PTPRD: variants seen among roughly 807,000 people sequenced by gnomAD.
The protein encoded by PTPRD is receptor-type tyrosine-protein phosphatase delta.
A neutral mutation model predicts 214.5 loss-of-function variants in PTPRD; 34 were observed. The observed-to-expected ratio is 0.16, with a 90% CI of 0.12 to 0.21. The LOEUF is 0.21. PTPRD is among the 10% of genes least tolerant of loss of function. PTPRD has a pLI of 1.00. For synonymous variants in PTPRD, 1,128 were observed against 845.7 expected (o/e 1.33, Z -5.79); for missense variants, 2,545 against 2,398.7 (o/e 1.06, Z -1.27).
At chr9:10,280,008 T>A (rs2154392873) in intron 3 of PTPRD, among the ~76,000 whole-genome samples, 1 of 152,324 alleles carries the variant, frequency 6.6e-6, no homozygotes, top group Admixed American at 6.5e-5. Context: ...CTTATGATGC[T>A]ATGGTAATAC....
At chr9:9,730,889 G>C (rs757032077) in intron 7 of PTPRD, among the ~76,000 whole-genome samples, 1 of 152,022 alleles carries the variant, frequency 6.6e-6, no homozygotes, top group Non-Finnish European at 1.5e-5. Flanking sequence ...GTGAAAGCTT[G>C]AAAATTCAAA....
At chr9:10,466,225 C>G (rs1455574833) in intron 2 of PTPRD, among the ~76,000 whole-genome samples, 1 of 152,062 alleles carries the variant, frequency 6.6e-6, no homozygotes, top group Non-Finnish European at 1.5e-5. Context: ...GCTCAGGAAG[C>G]CTAATATCTA....
intron 3 of PTPRD, among the ~76,000 whole-genome samples, chr9:10,275,900 C>T (rs2094657400): frequency 6.6e-6 from 1 of 152,132 alleles, no homozygotes; most frequent in African/African-American, 2.4e-5. Context: ...CAATATGGCA[C>T]AAGGGGTTTG....
At chr9:8,826,437 T>G (rs1352992862) in intron 11 of PTPRD, among the ~76,000 whole-genome samples, 1 of 152,162 alleles carries the variant, frequency 6.6e-6, no homozygotes, top group Non-Finnish European at 1.5e-5. Context: ...TTCTCCAATC[T>G]TAATCACTTT....
chr9:10,316,554 T>C (rs2096438166), intron 3 of PTPRD, among the ~76,000 whole-genome samples: 1 of 151,972 alleles, frequency 6.6e-6, no homozygotes, highest in Admixed American at 6.6e-5. Context: ...CATTTTTGAA[T>C]TGTGAATGAT....
intron 8 of PTPRD, among the ~76,000 whole-genome samples, chr9:9,496,385 A>T (rs1245621310): frequency 2.6e-5 from 4 of 152,146 alleles, no homozygotes; most frequent in Non-Finnish European, 5.9e-5. Context: ...ACTCAACAAC[A>T]AAACCCAAGT....
intron 12 of PTPRD, among the ~76,000 whole-genome samples, chr9:8,639,733 T>C (rs2096532219): frequency 6.6e-6 from 1 of 152,168 alleles, no homozygotes; most frequent in South Asian, 2.1e-4. Flanking sequence ...CCTGTTGCCA[T>C]GTAAGGACCT....
intron 8 of PTPRD, among the ~76,000 whole-genome samples, chr9:9,398,298 C>T (rs2068703310): frequency 6.6e-6 from 1 of 151,926 alleles, no homozygotes; most frequent in South Asian, 2.1e-4. Flanking sequence ...ATGTTTATTA[C>T]AGTATTTATC....
chr9:8,738,113 C>T (rs145704174), intron 11 of PTPRD, among the ~76,000 whole-genome samples: 1 of 152,136 alleles, frequency 6.6e-6, no homozygotes. Context: ...AATTGTATAT[C>T]AGCTTCTGTA....
intron 11 of PTPRD, among the ~76,000 whole-genome samples, chr9:8,866,550 G>A (rs1206480441): frequency 2.0e-5 from 3 of 152,046 alleles, no homozygotes; most frequent in Non-Finnish European, 4.4e-5. Flanking sequence ...GATTAAGTAC[G>A]TACTTTATAA....
intron 2 of PTPRD, among the ~76,000 whole-genome samples, chr9:10,413,443 C>A (rs1358868171): frequency 1.3e-5 from 2 of 151,712 alleles, no homozygotes; most frequent in African/African-American, 4.8e-5. Flanking sequence ...CAAAATATTG[C>A]CCAAAGAATC....
intron 7 of PTPRD, among the ~76,000 whole-genome samples, chr9:9,631,049 AAAAAC>A (rs2095574064): frequency 6.6e-6 from 1 of 152,130 alleles, no homozygotes; most frequent in Admixed American, 6.6e-5. Context: ...TCTGTCATTT[AAAAAC>A]AATAAAGACT....
At position 8,788,567 on chromosome 9, in the gene PTPRD, G is replaced by A. The variant is rs143891183; in HGVS notation, c.-103-54621C>T. On this transcript the variant is annotated intron_variant, in intron 11 of 45. Transcript: ENST00000381196. ...TGGGATTACAGGCATGAGCCACTGCGCCCGGCCAAGATGATATTTTTTAAC... is the reference window on the plus strand; with the variant it reads ...TGGGATTACAGGCATGAGCCACTGCACCCGGCCAAGATGATATTTTTTAAC... Among the ~76,000 whole-genome samples the A allele has an allele frequency of 3.1e-3, 479 of 152,156 alleles. 11 individuals are homozygous for A. The highest frequency in any genetic ancestry group is 0.031 in the East Asian group (161 of 5,170).
At chr9:8,421,056 T>G (rs1359566903) in intron 35 of PTPRD, among the ~76,000 whole-genome samples, 1 of 152,086 alleles carries the variant, frequency 6.6e-6, no homozygotes, top group South Asian at 2.1e-4. Flanking sequence ...AAGTTGCTGT[T>G]CCTCCGTCTC....
intron 5 of PTPRD, among the ~76,000 whole-genome samples, chr9:9,883,770 T>A (rs1307430618): frequency 6.6e-6 from 1 of 152,128 alleles, no homozygotes; most frequent in African/African-American, 2.4e-5. Flanking sequence ...CTGTGAAATT[T>A]TTCCATCACT....
intron 3 of PTPRD, among the ~76,000 whole-genome samples, chr9:10,133,206 G>A (rs1322161): frequency 0.12 from 18,919 of 152,148 alleles, 1,310 homozygotes; most frequent in South Asian, 0.26. Context: ...CACTAACGGT[G>A]CTGAAGTATA....
At chr9:10,470,051 T>C (rs1286423740) in intron 2 of PTPRD, among the ~76,000 whole-genome samples, 1 of 152,094 alleles carries the variant, frequency 6.6e-6, no homozygotes, top group Non-Finnish European at 1.5e-5. Flanking sequence ...CAGGTAGTGT[T>C]TGGTACCAAA....
intron 4 of PTPRD, among the ~76,000 whole-genome samples, chr9:9,978,521 G>A (rs1339298444): frequency 2.6e-5 from 4 of 151,670 alleles, no homozygotes; most frequent in South Asian, 4.1e-4. Context: ...ATAAATGAAG[G>A]TAAAATTTAA....
intron 3 of PTPRD, among the ~76,000 whole-genome samples, chr9:10,323,724 G>C (rs1476393645): frequency 6.6e-6 from 1 of 151,888 alleles, no homozygotes; most frequent in Admixed American, 6.6e-5. Flanking sequence ...CTTAAACTTT[G>C]TCTGCTGAAA....
Sources: gnomAD v4.1 joint callset for allele counts (sites outside exome capture counted in the v4.1 genomes callset) on GRCh38, gnomAD v4.1.1 for gene constraint, MANE v1.5 for transcripts, NCBI Gene and HGNC (gene_info 2026-07-23, HGNC 2026-07-21) for gene names.